STXBP6: variants seen among roughly 807,000 people sequenced by gnomAD.
STXBP6 encodes the protein syntaxin binding protein 6.
A neutral mutation model predicts 26.9 loss-of-function variants in STXBP6; 21 were observed. The observed-to-expected ratio is 0.78, with a 90% CI of 0.55 to 1.12. STXBP6 has a LOEUF of 1.12. Ranked by LOEUF, STXBP6 falls within the 50% of genes most tolerant of loss-of-function variation. The pLI, the probability that STXBP6 is intolerant of heterozygous loss-of-function variation, is 0.00. For missense variants in STXBP6, 232 were observed against 257.9 expected, an observed-to-expected ratio of 0.90 and a Z score of 0.69; for synonymous variants, 97 against 92.6, an observed-to-expected ratio of 1.05 and a Z score of -0.27.
At chr14:24,988,138 G>C (rs796139847) in intron 1 of STXBP6, among the ~76,000 whole-genome samples, 13 of 152,278 alleles carry the variant, frequency 8.5e-5, no homozygotes, top group African/African-American at 3.1e-4. Context: ...CATAATGCGG[G>C]GCCAAAGTGC....
chr14:24,865,391 C>T (rs553646695), intron 2 of STXBP6, among the ~76,000 whole-genome samples: 76 of 152,188 alleles, frequency 5.0e-4, no homozygotes, highest in African/African-American at 1.8e-3. Context: ...TGGCAGATTC[C>T]CTGAGTTGAA....
At chr14:24,987,886 T>C in intron 1 of STXBP6, 1 of 985,438 alleles carries the variant, frequency 1.0e-6, no homozygotes, top group Non-Finnish European at 1.2e-6. Context: ...ACACACTTAC[T>C]CATTCAATAT....
intron 2 of STXBP6, among the ~76,000 whole-genome samples, chr14:24,902,053 C>A (rs1187790060): frequency 6.6e-6 from 1 of 152,042 alleles, no homozygotes; most frequent in Non-Finnish European, 1.5e-5. Flanking sequence ...TTTCTTATTA[C>A]AATAAATATT....
chr14:24,920,594 T>C (rs1424636875), intron 2 of STXBP6, among the ~76,000 whole-genome samples: 1 of 151,924 alleles, frequency 6.6e-6, no homozygotes, highest in Admixed American at 6.6e-5. Context: ...CCAGCATACT[T>C]TATTGAATTG....
chr14:24,833,394 T>C (rs137995048), intron 4 of STXBP6, among the ~76,000 whole-genome samples: 8 of 152,330 alleles, frequency 5.3e-5, no homozygotes, highest in Admixed American at 6.5e-5. Context: ...TCAAAATTGT[T>C]GGTTGACTTA....
At chr14:24,948,933 G>A (rs960288767) in intron 2 of STXBP6, among the ~76,000 whole-genome samples, 1 of 152,030 alleles carries the variant, frequency 6.6e-6, no homozygotes, top group Admixed American at 6.6e-5. Flanking sequence ...TACGATCTAG[G>A]AGGCATCCTA....
At chr14:25,037,791 T>A (rs1381551472) in intron 1 of STXBP6, among the ~76,000 whole-genome samples, 1 of 152,242 alleles carries the variant, frequency 6.6e-6, no homozygotes, top group Non-Finnish European at 1.5e-5. Flanking sequence ...CAGAGGGACT[T>A]CTACAAAAGG....
chr14:24,852,826 A>G (rs2069198817), intron 4 of STXBP6, among the ~76,000 whole-genome samples: 1 of 152,150 alleles, frequency 6.6e-6, no homozygotes, highest in Admixed American at 6.6e-5. Flanking sequence ...TTCATAACAA[A>G]GACAATGTCA....
At chr14:25,003,472 T>G (rs532032469) in intron 1 of STXBP6, among the ~76,000 whole-genome samples, 2 of 152,270 alleles carry the variant, frequency 1.3e-5, no homozygotes, top group African/African-American at 4.8e-5. Flanking sequence ...TGTGCATGCA[T>G]CCATTTTCAG....
chr14:25,032,369 T>C (rs2075474601), intron 1 of STXBP6, among the ~76,000 whole-genome samples: 1 of 152,176 alleles, frequency 6.6e-6, no homozygotes, highest in Non-Finnish European at 1.5e-5. Context: ...GGGTTGTGAC[T>C]TGAGCACCCC....
intron 1 of STXBP6, chr14:24,994,904 G>C (rs1261488467): frequency 6.6e-6 from 1 of 151,934 alleles, no homozygotes; most frequent in East Asian, 1.9e-4. Flanking sequence ...AGCTACTTGG[G>C]AGGCTGAGGC....
chr14:25,049,955 T>G lies in STXBP6; in HGVS notation c.-110A>C. 1 of 877,052 alleles carries G rather than the reference T, an allele frequency of 1.1e-6. No individual in the cohort carries two copies. The highest frequency in any genetic ancestry group is 1.4e-6 in the Non-Finnish European group (1 of 733,476). The allele number at this position is 877,052 out of a possible 1,614,324, so 54.3% of individuals were successfully genotyped here. On this transcript the variant is annotated 5_prime_UTR_variant, in exon 1 of 6. Transcript: ENST00000323944. The surrounding 1 kb of genome is among the most constrained non-coding windows in gnomAD (Gnocchi z 5.6). ...AGCACGAGGCTCCTCCCCGGGGGGCTGCCCCGCGCGGGGCTCCGGGCTCCG... is the reference window on the plus strand; with the variant it reads ...AGCACGAGGCTCCTCCCCGGGGGGCGGCCCCGCGCGGGGCTCCGGGCTCCG...
chr14:24,818,837 A>G (rs2068056259), intron 5 of STXBP6, among the ~76,000 whole-genome samples, 200 bp downstream of exon 5: 1 of 152,242 alleles, frequency 6.6e-6, no homozygotes, highest in Non-Finnish European at 1.5e-5. Context: ...TGAGGACATT[A>G]GAAAAGAGCC....
chr14:25,011,066 T>C (rs935902556), intron 1 of STXBP6, among the ~76,000 whole-genome samples: 1 of 150,910 alleles, frequency 6.6e-6, no homozygotes, highest in Non-Finnish European at 1.5e-5. Flanking sequence ...GATTTAATGT[T>C]GAGAAAAATA....
intron 1 of STXBP6, among the ~76,000 whole-genome samples, chr14:25,003,061 A>C (rs1399986483): frequency 6.6e-6 from 1 of 152,230 alleles, no homozygotes; most frequent in African/African-American, 2.4e-5. Flanking sequence ...AGGTCAAGGA[A>C]TCAAAGATGT....
intron 4 of STXBP6, among the ~76,000 whole-genome samples, chr14:24,826,309 C>T (rs2068280811): frequency 6.6e-6 from 1 of 152,138 alleles, no homozygotes. Context: ...TAGTATCTAT[C>T]TCATGAGATT....
intron 1 of STXBP6, among the ~76,000 whole-genome samples, chr14:25,003,710 C>CA (rs2074822044): frequency 3.3e-5 from 5 of 151,732 alleles, no homozygotes; most frequent in African/African-American, 1.2e-4. Context: ...ACTGATACAG[C>CA]AACCACTTAG....
intron 1 of STXBP6, among the ~76,000 whole-genome samples, chr14:25,024,257 C>T (rs1163073797): frequency 2.0e-5 from 3 of 151,080 alleles, no homozygotes; most frequent in East Asian, 2.0e-4. Context: ...TGCAGTGAGC[C>T]GAGATTGTGC....
chr14:25,003,703 G>T (rs2074821634), intron 1 of STXBP6, among the ~76,000 whole-genome samples: 1 of 151,706 alleles, frequency 6.6e-6, no homozygotes, highest in South Asian at 2.1e-4. Context: ...CTACTACACT[G>T]ATACAGCAAC....
Sources: allele counts gnomAD v4.1 joint callset (sites outside exome capture counted in the v4.1 genomes callset), GRCh38; gene constraint gnomAD v4.1.1; non-coding constraint Gnocchi (gnomAD v3.1); transcripts MANE v1.5; gene names NCBI Gene and HGNC (gene_info 2026-07-23, HGNC 2026-07-21).